The following METTL15 variants were observed in gnomAD, a reference collection of about 807,000 sequenced individuals.
METTL15 encodes the protein methyltransferase 15, mitochondrial 12S rRNA N4-cytidine.
Under a neutral mutation model 38.3 loss-of-function variants are expected in METTL15, and 34 were observed. The observed-to-expected ratio is 0.89, with a 90% CI of 0.68 to 1.18. The LOEUF (loss-of-function observed/expected upper bound fraction) is 1.18. Ranked by LOEUF, METTL15 falls within the 50% of genes most tolerant of loss-of-function variation. The pLI, the probability that METTL15 is intolerant of heterozygous loss-of-function variation, is 0.00. For synonymous variants in METTL15, 162 were observed against 170.9 expected, an observed-to-expected ratio of 0.95 and a Z score of 0.41; for missense variants, 438 against 498.4, an observed-to-expected ratio of 0.88 and a Z score of 1.15.
intron 5 of METTL15, among the ~76,000 whole-genome samples, chr11:28,413,826 T>C (rs1290641042): frequency 6.6e-6 from 1 of 151,972 alleles, no homozygotes; most frequent in Non-Finnish European, 1.5e-5. Flanking sequence ...TAAAGAAAGA[T>C]AGTCAAATCT....
At chr11:28,351,077 G>A (rs778633464) in intron 3 of METTL15, among the ~76,000 whole-genome samples, 9 of 151,594 alleles carry the variant, frequency 5.9e-5, no homozygotes, top group Non-Finnish European at 1.3e-4. Context: ...AAACCGTATG[G>A]AATTTGAGAT....
At chr11:28,384,204 C>A (rs541702154) in intron 5 of METTL15, among the ~76,000 whole-genome samples, 24 of 152,102 alleles carry the variant, frequency 1.6e-4, no homozygotes, top group Non-Finnish European at 3.2e-4. Context: ...TTTATTCAAT[C>A]CACCATTAAT....
intron 4 of METTL15, among the ~76,000 whole-genome samples, chr11:28,357,129 G>A (rs996523471): frequency 6.6e-6 from 1 of 152,162 alleles, no homozygotes; most frequent in Non-Finnish European, 1.5e-5. Flanking sequence ...CTTTGGAAGG[G>A]GTGTGTCACT....
At chr11:28,376,096 C>G (rs1247847512) in intron 5 of METTL15, among the ~76,000 whole-genome samples, 1 of 151,732 alleles carries the variant, frequency 6.6e-6, no homozygotes, top group Admixed American at 6.6e-5. Context: ...AGTATGTGGT[C>G]AATTTTGGAA....
chr11:28,308,571 T>C (rs1374710358), intron 6 of METTL15, among the ~76,000 whole-genome samples: 1 of 152,190 alleles, frequency 6.6e-6, no homozygotes, highest in East Asian at 1.9e-4. Flanking sequence ...AACAGATAGT[T>C]CTTGAAATTA....
At chr11:28,482,887 T>C (rs1851407055) in intron 6 of METTL15, among the ~76,000 whole-genome samples, 1 of 152,180 alleles carries the variant, frequency 6.6e-6, no homozygotes, top group African/African-American at 2.4e-5. Flanking sequence ...CTCATCAATG[T>C]GCCATACTGC....
At chr11:28,129,610 G>A (rs1291324034) in intron 3 of METTL15, among the ~76,000 whole-genome samples, 4 of 151,892 alleles carry the variant, frequency 2.6e-5, no homozygotes, top group Admixed American at 6.6e-5. Context: ...GGATTTCACC[G>A]TGTTGGCCAG....
chr11:28,130,595 T>G (rs1347266173), intron 3 of METTL15, among the ~76,000 whole-genome samples: 1 of 148,520 alleles, frequency 6.7e-6, no homozygotes, highest in African/African-American at 2.5e-5. Context: ...TGGAAAGGTC[T>G]AGCAACTGAC....
chr11:28,466,033 A>G (rs751708702), intron 6 of METTL15, among the ~76,000 whole-genome samples: 1 of 152,144 alleles, frequency 6.6e-6, no homozygotes, highest in Non-Finnish European at 1.5e-5. Context: ...TTATTGCATG[A>G]GACAGAAACT....
chr11:28,212,640 A>G (rs937983729), intron 4 of METTL15, among the ~76,000 whole-genome samples: 1 of 152,180 alleles, frequency 6.6e-6, no homozygotes, highest in African/African-American at 2.4e-5. Flanking sequence ...ACCTAATACA[A>G]AGTAAATGCT....
intron 5 of METTL15, among the ~76,000 whole-genome samples, chr11:28,397,362 C>A (rs2133400405): frequency 6.6e-6 from 1 of 152,198 alleles, no homozygotes; most frequent in East Asian, 1.9e-4. Context: ...GGCTAATATC[C>A]AGAATCTACA....
At chr11:28,262,625 T>C (rs1590231548) in intron 4 of METTL15, among the ~76,000 whole-genome samples, 2 of 152,250 alleles carry the variant, frequency 1.3e-5, no homozygotes, top group East Asian at 1.9e-4. Flanking sequence ...CTTCTCACTT[T>C]CTAGGTTAAT....
At chr11:28,388,127 G>A (rs957324475) in intron 5 of METTL15, among the ~76,000 whole-genome samples, 10 of 152,136 alleles carry the variant, frequency 6.6e-5, no homozygotes, top group Non-Finnish European at 1.2e-4. Flanking sequence ...TTCCTCTAGT[G>A]ATCTTTTTCT....
intron 4 of METTL15, among the ~76,000 whole-genome samples, chr11:28,353,931 C>CAAAAAA (rs374097845): frequency 8.6e-5 from 4 of 46,342 alleles, no homozygotes; most frequent in South Asian, 7.6e-4. Context: ...GACTCCGTCT[C>CAAAAAA]AAAAAAAAAA....
chr11:28,400,112 C>A (rs1850616736), intron 5 of METTL15, among the ~76,000 whole-genome samples: 2 of 151,950 alleles, frequency 1.3e-5, no homozygotes, highest in South Asian at 4.1e-4. Flanking sequence ...AAAGAGAAAT[C>A]TTGCCATACA....
At chr11:28,441,008 T>G (rs898456392) in intron 6 of METTL15, among the ~76,000 whole-genome samples, 21 of 151,974 alleles carry the variant, frequency 1.4e-4, no homozygotes, top group East Asian at 3.9e-4. Context: ...CAATTTTTTT[T>G]TGTGGGGGCG....
chr11:28,136,820 A>C (rs1192307379), intron 3 of METTL15, among the ~76,000 whole-genome samples: 1 of 152,042 alleles, frequency 6.6e-6, no homozygotes, highest in Non-Finnish European at 1.5e-5. Flanking sequence ...TATGTTAAAT[A>C]TATATGTTAG....
chr11:28,339,520 C>A, intron 3 of METTL15, among the ~76,000 whole-genome samples: 1 of 137,338 alleles, frequency 7.3e-6, no homozygotes, highest in African/African-American at 2.7e-5. Context: ...CATAATGAGA[C>A]ATAAAGAGAA....
intron 3 of METTL15, among the ~76,000 whole-genome samples, chr11:28,161,779 A>G (rs1850475512): frequency 3.3e-5 from 5 of 152,166 alleles, no homozygotes; most frequent in Admixed American, 3.3e-4. Flanking sequence ...TGGTGAGTTC[A>G]GCCTGGGATC....
Sources: allele counts gnomAD v4.1 joint callset (sites outside exome capture counted in the v4.1 genomes callset), GRCh38; gene constraint gnomAD v4.1.1; transcripts MANE v1.5; gene names NCBI Gene and HGNC (gene_info 2026-07-23, HGNC 2026-07-21).